The following DAAM2 variants were observed in gnomAD, a reference collection of about 807,000 sequenced individuals.
DAAM2 encodes the protein dishevelled associated activator of morphogenesis 2.
Under a neutral mutation model 120.7 loss-of-function variants are expected in DAAM2, and 39 were observed. The observed-to-expected ratio is 0.32, with a 90% CI of 0.25 to 0.42. The LOEUF is 0.42. Ranked by LOEUF, DAAM2 falls within the 10% of genes least tolerant of loss-of-function variation. The pLI is 1.00. For missense variants in DAAM2, 1,283 were observed against 1,401.7 expected (o/e 0.92, Z 1.35); for synonymous variants, 488 against 524.9 (o/e 0.93, Z 0.96).
intron 1 of DAAM2, among the ~76,000 whole-genome samples, chr6:39,833,663 C>T (rs1005420724): frequency 2.0e-5 from 3 of 152,130 alleles, no homozygotes; most frequent in African/African-American, 7.2e-5. Flanking sequence ...TACCTTGTAT[C>T]AACTGTTCCT....
intron 2 of DAAM2, among the ~76,000 whole-genome samples, chr6:39,860,358 A>C (rs2149291220): frequency 6.6e-6 from 1 of 152,288 alleles, no homozygotes; most frequent in South Asian, 2.1e-4. Flanking sequence ...TCCTACTCTG[A>C]GCAGCCCCTT....
At position 39,902,095 on chromosome 6, in the gene DAAM2, A is replaced by G; in HGVS notation, c.*58A>G. 1.4e-6 allele frequency: 2 copies of G among 1,432,220 alleles called. No individual in the cohort carries two copies. The highest frequency in any genetic ancestry group is 1.9e-6 in the Non-Finnish European group (2 of 1,043,088). The allele number at this position is 1,432,220 out of a possible 1,614,324, so 88.7% of individuals were successfully genotyped here. A position where few individuals can be genotyped will look rare whatever the true frequency, so the allele number is the denominator to read the frequency against. On this transcript the variant is annotated 3_prime_UTR_variant, in exon 25 of 25. Transcript: ENST00000274867. Reference sequence around the variant, plus strand: ...ACAGGGACTGGTGAGAATGGGGCTGAGTGGAGGAGGTGGTGATATTTAAAC... The same window carrying G: ...ACAGGGACTGGTGAGAATGGGGCTGGGTGGAGGAGGTGGTGATATTTAAAC...
At chr6:39,841,723 G>A (rs1763348240) in intron 1 of DAAM2, among the ~76,000 whole-genome samples, 1 of 152,090 alleles carries the variant, frequency 6.6e-6, no homozygotes, top group Admixed American at 6.5e-5. Flanking sequence ...TTGCAAGGAT[G>A]TCTGGGTTGA....
chr6:39,867,394 T>G, intron 5 of DAAM2, 116 bp from the exon 6 acceptor site: 1 of 870,442 alleles, frequency 1.1e-6, no homozygotes, highest in Non-Finnish European at 1.8e-6. Flanking sequence ...ATAAACCAAG[T>G]GGCTACTGTA....
In DAAM2 at chr6:39,795,415, G is replaced by A. The variant is rs545062698; in HGVS notation, c.-57+2950G>A. The stretch of plus-strand genomic sequence containing the variant: ...GCAGATTTCTGATCAGCTGCCTGGA[G>A]AGAGAGAACTGTGACCTAAATACGA... On this transcript the variant is annotated intron_variant, in intron 1 of 24. Transcript: ENST00000274867. Among the ~76,000 whole-genome samples the A allele has an allele frequency of 6.6e-5, 10 of 152,314 alleles. No individual in the cohort carries two copies. In the East Asian group the frequency reaches 1.9e-3, roughly 29 times the overall value.
At chr6:39,887,315 G>C in intron 15 of DAAM2, 171 bp from the exon 16 acceptor site, 1 of 556,102 alleles carries the variant, frequency 1.8e-6, no homozygotes, top group Non-Finnish European at 3.2e-6. Context: ...CCCAGATACC[G>C]TCTCTTAAAG....
chr6:39,839,755 C>A (rs1249546811), intron 1 of DAAM2, among the ~76,000 whole-genome samples: 2 of 152,216 alleles, frequency 1.3e-5, no homozygotes, highest in Non-Finnish European at 2.9e-5. Context: ...AGCCAGCCTC[C>A]CAGAGGCCAG....
At chr6:39,856,606 G>A in intron 2 of DAAM2, 136 bp downstream of exon 2, 1 of 600,406 alleles carries the variant, frequency 1.7e-6, no homozygotes. Flanking sequence ...TAGGCCCCCA[G>A]GACACCTCAG....
At chr6:39,884,108 T>A (rs372582181) in intron 15 of DAAM2, 39 bp downstream of exon 15, 49 of 1,118,630 alleles carry the variant, frequency 4.4e-5, no homozygotes, top group Non-Finnish European at 6.4e-5. Context: ...GACCATACCC[T>A]TGAATCCAAA....
chr6:39,904,611 A>C lies in DAAM2; in HGVS notation c.*2574A>C, dbSNP rs1237802900. The C allele has an allele frequency of 2.2e-6, 1 of 454,004 alleles. No homozygotes were observed. The highest frequency in any genetic ancestry group is 2.0e-5 in the African/African-American group (1 of 49,970). The allele number at this position is 454,004 out of a possible 1,614,324, so 28.1% of individuals were successfully genotyped here. On this transcript the variant is annotated 3_prime_UTR_variant, in exon 25 of 25. Transcript: ENST00000274867. Reference sequence around the variant, plus strand: ...GTGTTTAGGGCAGTGGGAGGAGAAAATTCTCCAGGTGAATGGGGAAGGGTC... The same window carrying C: ...GTGTTTAGGGCAGTGGGAGGAGAAACTTCTCCAGGTGAATGGGGAAGGGTC...
chr6:39,834,666 T>G (rs1479293755), intron 1 of DAAM2, among the ~76,000 whole-genome samples: 2 of 152,238 alleles, frequency 1.3e-5, no homozygotes, highest in African/African-American at 4.8e-5. Context: ...TTTAAGCTTT[T>G]ATTACATAAT....
intron 1 of DAAM2, among the ~76,000 whole-genome samples, chr6:39,796,852 C>T (rs1486165756): frequency 2.6e-5 from 4 of 151,846 alleles, no homozygotes; most frequent in Admixed American, 6.6e-5. Flanking sequence ...TAACTATTCT[C>T]ATTCCCCAGG....
At position 39,879,324 on chromosome 6, in the gene DAAM2, AC is replaced by A; in HGVS notation, c.1697del (p.Pro566ArgfsTer40). ...PPPPPLPPGG[P>X]PTPPGAPPCL... ...CACCACCACCCCTTCCTCCCGGGGG[AC>A]CCCCGACTCCCCCAGGTGCCCCACC... On this transcript the variant is annotated frameshift_variant, in exon 14 of 25. Coordinates refer to ENST00000274867, the MANE Select transcript of DAAM2 (RefSeq NM_001201427.2). LOFTEE classifies it high-confidence loss of function. 1.1e-6 allele frequency: 1 copy of A among 901,438 alleles called. No individual in the cohort carries two copies. The allele number at this position is 901,438 out of a possible 1,614,324, so 55.8% of individuals were successfully genotyped here. A position where few individuals can be genotyped will look rare whatever the true frequency, so the allele number is the denominator to read the frequency against.
chr6:39,878,409 A>G lies in DAAM2; in HGVS notation c.1366A>G (p.Met456Val). ...CCGTCCCACCCCCATTCCAGAACAC[A>G]TGGAGCTTGTGAGCCGTCTGGAGAG... is the stretch of plus-strand genomic sequence containing the variant. ...DQAEKFRKEHMELVSRLERKE... is the reference protein window; with the variant it reads ...DQAEKFRKEHVELVSRLERKE... Residue 456 changes from methionine (M) to valine (V), a missense_variant, in exon 13 of 25, where the codon ATG becomes GTG. By Grantham distance (21) the Met-to-Val change is conservative. This residue lies in a region of DAAM2 where 338 missense variants were observed against 443.9 expected (regional missense o/e 0.76). Transcript: ENST00000274867. The surrounding 1 kb of genome is among the most constrained non-coding windows in gnomAD (Gnocchi z 5.0). 1 of 1,611,932 alleles carries G rather than the reference A, an allele frequency of 6.2e-7. No individual in the cohort carries two copies. Among genetic ancestry groups the G allele is most frequent in the Non-Finnish European group, 8.5e-7 (1 of 1,178,916 alleles).
chr6:39,799,187 G>C (rs764170499), intron 1 of DAAM2, among the ~76,000 whole-genome samples: 1 of 152,120 alleles, frequency 6.6e-6, no homozygotes, highest in Non-Finnish European at 1.5e-5. Flanking sequence ...ACACTTCTAG[G>C]GGGTAGCCAG....
At chr6:39,890,623 T>G (rs1387831515) in intron 17 of DAAM2, among the ~76,000 whole-genome samples, 2 of 152,312 alleles carry the variant, frequency 1.3e-5, no homozygotes, top group South Asian at 2.1e-4. Context: ...AAAATAACTT[T>G]CCTGGGGGAT....
intron 17 of DAAM2, among the ~76,000 whole-genome samples, chr6:39,890,518 C>A (rs1163512535): frequency 1.3e-5 from 2 of 152,156 alleles, no homozygotes; most frequent in Non-Finnish European, 2.9e-5. Context: ...TAAAAGAGAG[C>A]ATACAGCATG....
chr6:39,814,366 G>T (rs1029240769), intron 1 of DAAM2, among the ~76,000 whole-genome samples: 10 of 152,072 alleles, frequency 6.6e-5, no homozygotes, highest in African/African-American at 2.4e-4. Context: ...TATGTGAGTT[G>T]GGAGCAGTAA....
intron 19 of DAAM2, among the ~76,000 whole-genome samples, chr6:39,895,021 A>G (rs1019665721): frequency 1.3e-5 from 2 of 152,140 alleles, no homozygotes; most frequent in Non-Finnish European, 2.9e-5. Flanking sequence ...TGTTACATGT[A>G]GCAGTGGGGT....
Sources: gnomAD v4.1 joint callset for allele counts (sites outside exome capture counted in the v4.1 genomes callset) on GRCh38, gnomAD v4.1.1 for gene constraint, gnomAD v4.1.1 regional missense constraint, Gnocchi (gnomAD v3.1) non-coding constraint, MANE v1.5 for transcripts, NCBI Gene and HGNC (gene_info 2026-07-23, HGNC 2026-07-21) for gene names.